The following ANK1 variants were observed in gnomAD, a reference collection of about 807,000 sequenced individuals.
ANK1 encodes the protein ankyrin-1.
ANK1 carries 51 observed loss-of-function variants against 210.4 expected under a neutral mutation model. The observed-to-expected ratio is 0.24, with a 90% CI of 0.19 to 0.31. The LOEUF is 0.31. Among genes scored for constraint, ANK1 ranks in the 10% least tolerant of loss-of-function variants. The probability of loss-of-function intolerance (pLI) is 1.00; values close to 1 mark genes in which losing one functional copy is unlikely to be tolerated. For missense variants in ANK1, 2,051 were observed against 2,504.4 expected (o/e 0.82, Z 3.86); for synonymous variants, 967 against 1,025.9 (o/e 0.94, Z 1.10).
chr8:41,671,871 C>A (rs376302628), intron 38 of ANK1, among the ~76,000 whole-genome samples: 1 of 138,370 alleles, frequency 7.2e-6, no homozygotes, highest in Admixed American at 7.2e-5. Context: ...GCCCTCCCAG[C>A]GCCCCGATGT....
chr8:41,886,250 G>T (rs1201032824), intron 1 of ANK1, among the ~76,000 whole-genome samples: 1 of 152,232 alleles, frequency 6.6e-6, no homozygotes, highest in Admixed American at 6.5e-5. Context: ...GGTGGGAGCT[G>T]AGGCATTGTC....
At chr8:41,748,604 C>T (rs1423795316) in intron 2 of ANK1, among the ~76,000 whole-genome samples, 1 of 152,224 alleles carries the variant, frequency 6.6e-6, no homozygotes, top group East Asian at 1.9e-4. Flanking sequence ...AGACTTGTAT[C>T]CTTCCTTCAC....
At chr8:41,730,472 G>A (rs1831904861) in intron 3 of ANK1, among the ~76,000 whole-genome samples, 1 of 150,878 alleles carries the variant, frequency 6.6e-6, no homozygotes, top group Admixed American at 6.6e-5. Flanking sequence ...TTTTTTAAAG[G>A]CATAAAGCCT....
chr8:41,752,912 T>C (rs1446532071), intron 2 of ANK1, among the ~76,000 whole-genome samples: 1 of 152,106 alleles, frequency 6.6e-6, no homozygotes, highest in Non-Finnish European at 1.5e-5. Flanking sequence ...TGTGGTTCAC[T>C]TTCCTCTATG....
In ANK1 at chr8:41,873,942, C is replaced by A. The variant is rs1015925359; in HGVS notation, c.126+22413G>T. On this transcript the variant is annotated intron_variant, in intron 1 of 42. Coordinates refer to the ANK1 transcript ENST00000265709. ...CAAACAGACCCAGCCAAGCTCAAAC[C>A]AACACCCTCCCCCTACACACACAAA... is the stretch of plus-strand genomic sequence containing the variant. Among the ~76,000 whole-genome samples the A allele has an allele frequency of 3.3e-5, 5 of 152,224 alleles. No homozygotes were observed. In the South Asian group the frequency reaches 6.2e-4, roughly 19 times the overall value.
chr8:41,883,456 T>A (rs1161224951), intron 1 of ANK1, among the ~76,000 whole-genome samples: 1 of 151,978 alleles, frequency 6.6e-6, no homozygotes, highest in East Asian at 1.9e-4. Context: ...GTTTGTTTGT[T>A]TGTTTGTTTG....
At chr8:41,864,788 G>A (rs920252936) in intron 1 of ANK1, among the ~76,000 whole-genome samples, 1 of 152,132 alleles carries the variant, frequency 6.6e-6, no homozygotes, top group African/African-American at 2.4e-5. Flanking sequence ...ATCCAGAACC[G>A]AAGAAACTGA....
chr8:41,822,952 G>A (rs893927412), intron 1 of ANK1, among the ~76,000 whole-genome samples: 1 of 152,180 alleles, frequency 6.6e-6, no homozygotes, highest in South Asian at 2.1e-4. Flanking sequence ...CTGGGTAGTC[G>A]CTGAGCACCG....
rs376734441 is a variant in ANK1, at chr8:41,655,644, G to A, written c.*146C>T. 1.0e-5 allele frequency: 16 copies of A among 1,530,386 alleles called. No homozygotes were observed. The highest frequency in any genetic ancestry group is 2.3e-5 in the East Asian group (1 of 44,394). 94.8% of individuals were successfully genotyped at this position (1,530,386 alleles called of 1,614,324 possible). On this transcript the variant is annotated 3_prime_UTR_variant, in exon 43 of 43. Transcript: ENST00000289734. Reference sequence around the variant, plus strand: ...AGGAGTCCCTTACAGAGGTCATGCCGTCAGCCCAGAGGAATGTGTGCACCG... The same window carrying A: ...AGGAGTCCCTTACAGAGGTCATGCCATCAGCCCAGAGGAATGTGTGCACCG...
intron 1 of ANK1, among the ~76,000 whole-genome samples, chr8:41,870,056 G>T (rs562485495): frequency 6.6e-6 from 1 of 152,158 alleles, no homozygotes; most frequent in South Asian, 2.1e-4. Context: ...TGCCCTAGAG[G>T]CCTAAAACCA....
chr8:41,724,067 C>T (rs1186798593), intron 7 of ANK1, among the ~76,000 whole-genome samples: 2 of 152,054 alleles, frequency 1.3e-5, no homozygotes, highest in African/African-American at 2.4e-5. Flanking sequence ...GGATTACAGG[C>T]GTGAGCCACC....
chr8:41,706,764 G>A (rs1000828990), intron 17 of ANK1, among the ~76,000 whole-genome samples: 16 of 152,204 alleles, frequency 1.1e-4, no homozygotes, highest in East Asian at 3.8e-4. Context: ...GGTGAGGAGC[G>A]CTGGAGAAAG....
At chr8:41,732,373 C>T (rs1484238379) in intron 3 of ANK1, among the ~76,000 whole-genome samples, 5 of 152,128 alleles carry the variant, frequency 3.3e-5, no homozygotes, top group East Asian at 1.9e-4. Flanking sequence ...ACTGGGGAGA[C>T]AGTACTTGAG....
intron 1 of ANK1, among the ~76,000 whole-genome samples, chr8:41,768,186 A>T (rs10109520): frequency 0.14 from 20,610 of 152,212 alleles, 1,441 homozygotes; most frequent in South Asian, 0.15. Flanking sequence ...GGAGAAGACT[A>T]GGGGTGACAT....
In ANK1 at chr8:41,715,052, A is replaced by G; in HGVS notation, c.1625T>C (p.Val542Ala). ...MTKKGFTPLH[V>A]AAKYGKVRVA... ...CCGCACCTTCCCGTACTTGGCCGCC[A>G]CGTGCAGAGGGGTAAATCCTTTCTG... The change falls in exon 15 of 43, where the codon GTG becomes GCG. Residue 542 changes from valine to alanine, a missense_variant. By Grantham distance (64) the Val-to-Ala change is moderately conservative. Around this residue, in one of 6 missense-constraint regions of ANK1, gnomAD observed 1,413 missense variants for 1,707.4 expected, o/e 0.83. Transcript: ENST00000289734. The G allele has an allele frequency of 6.2e-7, 1 of 1,614,138 alleles. No homozygotes were observed. The highest frequency in any genetic ancestry group is 1.1e-5 in the South Asian group (1 of 91,074).
At chr8:41,831,506 G>T (rs1183579759) in intron 1 of ANK1, among the ~76,000 whole-genome samples, 1 of 151,988 alleles carries the variant, frequency 6.6e-6, no homozygotes, top group African/African-American at 2.4e-5. Flanking sequence ...AAATTGGTGG[G>T]GTGTGGAGGC....
chr8:41,702,453 G>A (rs866468715), intron 20 of ANK1, among the ~76,000 whole-genome samples: 4 of 152,168 alleles, frequency 2.6e-5, no homozygotes, highest in African/African-American at 9.7e-5. Flanking sequence ...CTGCTAAGTG[G>A]GAACCCACTG....
chr8:41,654,782 T>C lies in ANK1; in HGVS notation c.*1008A>G, dbSNP rs539288206. ...TACACTTTGAACACGGACTATGATA[T>C]AGTGCTTGAAGACATAGAAAACCTC... On this transcript the variant is annotated 3_prime_UTR_variant, in exon 43 of 43. Transcript: ENST00000289734. The C allele has an allele frequency of 6.5e-6, 1 of 152,852 alleles. No individual in the cohort carries two copies. Among genetic ancestry groups the C allele is most frequent in the East Asian group, 1.9e-4 (1 of 5,172 alleles). The allele number at this position is 152,852 out of a possible 1,614,324, so 9.5% of individuals were successfully genotyped here.
chr8:41,776,981 A>G (rs1369489727), intron 1 of ANK1, among the ~76,000 whole-genome samples: 1 of 152,234 alleles, frequency 6.6e-6, no homozygotes, highest in Non-Finnish European at 1.5e-5. Context: ...TTAATAATTG[A>G]AGGGAACCAT....
Sources: gnomAD v4.1 joint callset for allele counts (sites outside exome capture counted in the v4.1 genomes callset) on GRCh38, gnomAD v4.1.1 for gene constraint, gnomAD v4.1.1 regional missense constraint, MANE v1.5 for transcripts, NCBI Gene and HGNC (gene_info 2026-07-23, HGNC 2026-07-21) for gene names.